ZNF107: variants seen among roughly 807,000 people sequenced by gnomAD.
The protein encoded by ZNF107 is zinc finger protein 107.
A neutral mutation model predicts 12.3 loss-of-function variants in ZNF107; 19 were observed. The observed-to-expected ratio is 1.55, with a 90% CI of 1.08 to 2.27. The LOEUF (loss-of-function observed/expected upper bound fraction) is 2.27, where lower values mean the gene tolerates loss of function less well. ZNF107 is among the 30% of genes most tolerant of loss of function. The pLI is 0.00. For synonymous variants in ZNF107, 317 were observed against 330.5 expected, an observed-to-expected ratio of 0.96 and a Z score of 0.44; for missense variants, 958 against 979.9, an observed-to-expected ratio of 0.98 and a Z score of 0.30.
At chr7:64,705,010 T>G (rs1477975387) in intron 3 of ZNF107, among the ~76,000 whole-genome samples, 1 of 152,188 alleles carries the variant, frequency 6.6e-6, no homozygotes, top group African/African-American at 2.4e-5. Context: ...TGTTTTTCTT[T>G]TATTTGGCAG....
intron 1 of ZNF107, chr7:64,684,612 G>A (rs915784419): frequency 5.1e-6 from 5 of 985,304 alleles, no homozygotes; most frequent in South Asian, 4.7e-5. Context: ...AAACTTAAAT[G>A]TCCTGCTCCT....
At chr7:64,694,286 G>A (rs186805718) in intron 3 of ZNF107, among the ~76,000 whole-genome samples, 85 of 152,306 alleles carry the variant, frequency 5.6e-4, no homozygotes, top group Admixed American at 5.0e-3. Flanking sequence ...GAAGTTTGAG[G>A]TGATGACAGA....
rs1170129658 is a variant in ZNF107, at chr7:64,707,025, G to T, written c.928G>T (p.Glu310Ter). The T allele has an allele frequency of 1.9e-6, 3 of 1,613,302 alleles. No individual in the cohort carries two copies. The highest frequency in any genetic ancestry group is 8.5e-7 in the Non-Finnish European group (1 of 1,179,728). ...LTTQKILHTG[E>*]NLYKCKECGK... ...TACACAAAAGATACTTCACACTGGA[G>T]AGAACCTCTACAAGTGTAAAGAATG... Residue 310 changes from glutamate (E) to a stop codon, truncating the protein, a stop_gained, in exon 4 of 4, where the codon GAG becomes TAG. Coordinates refer to ENST00000620827, the MANE Select transcript of ZNF107 (RefSeq NM_001282359.2). LOFTEE classifies it low-confidence loss of function (END_TRUNC).
chr7:64,689,145 C>T (rs1381786906), intron 1 of ZNF107, among the ~76,000 whole-genome samples: 1 of 152,116 alleles, frequency 6.6e-6, no homozygotes, highest in African/African-American at 2.4e-5. Flanking sequence ...TTAGAATGTG[C>T]TAGAGCAGCC....
chr7:64,677,171 A>G (rs555684204), intron 1 of ZNF107, among the ~76,000 whole-genome samples: 1 of 148,458 alleles, frequency 6.7e-6, no homozygotes, highest in Non-Finnish European at 1.5e-5. Context: ...TAACATACCC[A>G]TGGATTTTTT....
intron 3 of ZNF107, among the ~76,000 whole-genome samples, chr7:64,705,325 T>G (rs1790602982): frequency 6.6e-6 from 1 of 152,004 alleles, no homozygotes; most frequent in South Asian, 2.1e-4. Flanking sequence ...CCTCCACAAT[T>G]TCTGTTTTTT....
In ZNF107 at chr7:64,711,539, C is replaced by G. The variant is rs1790886110; in HGVS notation, c.*2883C>G. ...AAATTATATACAAGTATAAATAAAC[C>G]ATGAGAAAATTCTGAGTTCTGAATA... is the stretch of plus-strand genomic sequence containing the variant. On this transcript the variant is annotated 3_prime_UTR_variant, in exon 4 of 4. Transcript: ENST00000620827. 6.7e-6 allele frequency: 1 copy of G among 148,202 alleles called. No homozygotes were observed. The highest frequency in any genetic ancestry group is 1.5e-5 in the Non-Finnish European group (1 of 67,352). 9.2% of individuals were successfully genotyped at this position (148,202 alleles called of 1,614,324 possible). A position where few individuals can be genotyped will look rare whatever the true frequency, so the allele number is the denominator to read the frequency against.
At position 64,707,223 on chromosome 7, in the gene ZNF107, A is replaced by G; in HGVS notation, c.1126A>G (p.Lys376Glu). 6.2e-7 allele frequency: 1 copy of G among 1,613,606 alleles called. No homozygotes were observed. Among genetic ancestry groups the G allele is most frequent in the Non-Finnish European group, 8.5e-7 (1 of 1,179,786 alleles). ...GKLNKCEECD[K>E]AFNRSLKLTA... ...ACTCAACAAATGTGAAGAATGTGACAAAGCTTTTAACCGATCCTTAAAACT... is the reference window on the plus strand; with the variant it reads ...ACTCAACAAATGTGAAGAATGTGACGAAGCTTTTAACCGATCCTTAAAACT... Residue 376 changes from lysine to glutamate, a missense_variant, in exon 4 of 4, where the codon AAA becomes GAA. By Grantham distance (56) the Lys-to-Glu change is moderately conservative (BLOSUM62 1). Coordinates refer to ENST00000620827, the MANE Select transcript of ZNF107 (RefSeq NM_001282359.2).
chr7:64,699,228 TCAC>T (rs1311108680), intron 3 of ZNF107, among the ~76,000 whole-genome samples: 2 of 152,194 alleles, frequency 1.3e-5, no homozygotes, highest in African/African-American at 4.8e-5. Flanking sequence ...TTGAATTTGT[TCAC>T]CACTGTATGT....
chr7:64,681,041 A>G (rs1258596852), intron 1 of ZNF107, among the ~76,000 whole-genome samples: 1 of 152,028 alleles, frequency 6.6e-6, no homozygotes, highest in Non-Finnish European at 1.5e-5. Context: ...GCAGGCCCTC[A>G]CTGGAAGTCA....
rs574502503 is a variant in ZNF107 at position 64,684,414 on chromosome 7, G to T, written c.4-6834G>T. On this transcript the variant is annotated intron_variant, in intron 1 of 3. Transcript: ENST00000620827. ...TAACCCCCTGATCTCTACAACCTCA[G>T]TGGACAGGACCCTTCCTGGTCGTTT... Among the ~76,000 whole-genome samples the T allele has an allele frequency of 5.9e-5, 9 of 152,194 alleles. No individual in the cohort carries two copies. In the South Asian group the frequency reaches 1.9e-3, roughly 32 times the overall value.
chr7:64,690,415 G>A, intron 1 of ZNF107: 1 of 985,378 alleles, frequency 1.0e-6, no homozygotes. Flanking sequence ...CCCCACCCTG[G>A]AGTCTTGCCT....
intron 1 of ZNF107, among the ~76,000 whole-genome samples, chr7:64,677,956 C>A (rs1385586522): frequency 6.6e-6 from 1 of 151,004 alleles, no homozygotes; most frequent in African/African-American, 2.4e-5. Flanking sequence ...AGGCTTTATT[C>A]TCCTATGTGA....
intron 2 of ZNF107, 33 bp from the exon 3 acceptor site, chr7:64,691,832 A>G: frequency 8.0e-7 from 1 of 1,251,746 alleles, no homozygotes; most frequent in Non-Finnish European, 1.0e-6. Context: ...TATGATTAAG[A>G]TTCATGTTAT....
chr7:64,707,000 T>C lies in ZNF107; in HGVS notation c.903T>C (p.Thr301=). The change falls in exon 4 of 4, where the codon ACT becomes ACC. Residue 301 remains threonine (T), a synonymous_variant. Coordinates refer to ENST00000620827, the MANE Select transcript of ZNF107 (RefSeq NM_001282359.2). ...TCTTTAGCCAGTCCTCACACCTTAC[T>C]ACACAAAAGATACTTCACACTGGAG... is the stretch of plus-strand genomic sequence containing the variant. ...GKVFSQSSHL[T]TQKILHTGEN... The C allele has an allele frequency of 6.2e-7, 1 of 1,613,590 alleles. No homozygotes were observed. The highest frequency in any genetic ancestry group is 8.5e-7 in the Non-Finnish European group (1 of 1,179,778).
Position 64,709,245 on chromosome 7 carries a change from T to G in ZNF107, c.*589T>G, listed in dbSNP as rs967407906. The G allele has an allele frequency of 4.1e-4, 157 of 378,444 alleles. 2 individuals are homozygous for G. Among genetic ancestry groups the G allele is most frequent in the South Asian group, 3.5e-3 (156 of 44,562 alleles). 23.4% of individuals were successfully genotyped at this position (378,444 alleles called of 1,614,324 possible). A position where few individuals can be genotyped will look rare whatever the true frequency, so the allele number is the denominator to read the frequency against. On this transcript the variant is annotated 3_prime_UTR_variant, in exon 4 of 4. Transcript: ENST00000620827. ...GTCTGTGGCAAAGCTTTTAACTGAT[T>G]CTCAACTCTTACTACATGTAAGAGT...
chr7:64,681,302 C>T (rs1789662767), intron 1 of ZNF107, among the ~76,000 whole-genome samples: 1 of 152,124 alleles, frequency 6.6e-6, no homozygotes, highest in Non-Finnish European at 1.5e-5. Context: ...TCTCCCTAGC[C>T]TCCATGACTG....
At chr7:64,681,084 TC>T (rs1439447251) in intron 1 of ZNF107, among the ~76,000 whole-genome samples, 5 of 152,104 alleles carry the variant, frequency 3.3e-5, no homozygotes, top group Admixed American at 3.3e-4. Context: ...TCCCTAGAGC[TC>T]CTGGAGCTTA....
chr7:64,666,298 G>A lies in ZNF107; in HGVS notation c.3+13G>A. 1.2e-6 allele frequency: 2 copies of A among 1,609,460 alleles called. No homozygotes were observed. Among genetic ancestry groups the A allele is most frequent in the African/African-American group, 2.7e-5 (2 of 74,930 alleles). On this transcript the variant is annotated intron_variant, in intron 1 of 3. Coordinates refer to ENST00000620827, the MANE Select transcript of ZNF107 (RefSeq NM_001282359.2). ...AAACCTAGAAATGGTGAGAGTGCTG[G>A]GTCCGACATCCCGAGAGAGGGGGAG...
Sources: gnomAD v4.1 joint callset for allele counts (sites outside exome capture counted in the v4.1 genomes callset) on GRCh38, gnomAD v4.1.1 for gene constraint, MANE v1.5 for transcripts, NCBI Gene and HGNC (gene_info 2026-07-23, HGNC 2026-07-21) for gene names.